PTK2: variants seen among roughly 807,000 people sequenced by gnomAD.
The protein encoded by PTK2 is protein tyrosine kinase 2.
A neutral mutation model predicts 150.1 loss-of-function variants in PTK2; 45 were observed. The observed-to-expected ratio is 0.30, with a 90% CI of 0.24 to 0.38. The LOEUF (loss-of-function observed/expected upper bound fraction) is 0.38. Ranked by LOEUF, PTK2 falls within the 10% of genes least tolerant of loss-of-function variation. PTK2 has a pLI of 1.00. For synonymous variants in PTK2, 432 were observed against 449.2 expected, an observed-to-expected ratio of 0.96 and a Z score of 0.48; for missense variants, 919 against 1,307.3, an observed-to-expected ratio of 0.70 and a Z score of 4.58.
chr8:140,731,293 C>T (rs74307137), intron 22 of PTK2, among the ~76,000 whole-genome samples: 168 of 152,152 alleles, frequency 1.1e-3, no homozygotes, highest in East Asian at 7.2e-3. Context: ...ATTTGGTGCG[C>T]TCTTATAACC....
At chr8:140,961,427 C>G (rs2100183127) in intron 1 of PTK2, among the ~76,000 whole-genome samples, 1 of 151,908 alleles carries the variant, frequency 6.6e-6, no homozygotes, top group South Asian at 2.1e-4. Flanking sequence ...TTTTGGAGGC[C>G]AAGGAGAGTG....
At chr8:140,725,452 G>A (rs2100045181) in intron 22 of PTK2, among the ~76,000 whole-genome samples, 1 of 152,226 alleles carries the variant, frequency 6.6e-6, no homozygotes, top group Non-Finnish European at 1.5e-5. Context: ...TCTGGAGGGA[G>A]CTGTCATGAG....
chr8:140,856,305 C>A (rs1447244600), intron 5 of PTK2, among the ~76,000 whole-genome samples: 1 of 152,038 alleles, frequency 6.6e-6, no homozygotes, highest in African/African-American at 2.4e-5. Context: ...ACATGAAAGT[C>A]CCAGCCCATG....
intron 2 of PTK2, among the ~76,000 whole-genome samples, chr8:140,913,739 T>C (rs542986207): frequency 8.1e-4 from 124 of 152,348 alleles, no homozygotes; most frequent in Non-Finnish European, 1.6e-3. Flanking sequence ...CATTACTGTA[T>C]TGTTCAATAT....
chr8:140,786,210 A>G (rs2100084860), intron 14 of PTK2, among the ~76,000 whole-genome samples: 1 of 152,220 alleles, frequency 6.6e-6, no homozygotes, highest in Non-Finnish European at 1.5e-5. Flanking sequence ...ATCGTATGAC[A>G]GAAAAACAAG....
At chr8:140,849,822 G>A (rs987121131) in intron 5 of PTK2, among the ~76,000 whole-genome samples, 1 of 152,178 alleles carries the variant, frequency 6.6e-6, no homozygotes, top group Non-Finnish European at 1.5e-5. Context: ...TGTTGAACAC[G>A]TATTAAAGTC....
At chr8:140,898,116 T>G (rs900209493) in intron 2 of PTK2, among the ~76,000 whole-genome samples, 2 of 152,216 alleles carry the variant, frequency 1.3e-5, no homozygotes, top group African/African-American at 4.8e-5. Flanking sequence ...CCAATACTTT[T>G]GTAAAATACA....
chr8:140,858,561 A>C (rs1297249051), intron 5 of PTK2, among the ~76,000 whole-genome samples: 1 of 152,184 alleles, frequency 6.6e-6, no homozygotes, highest in Non-Finnish European at 1.5e-5. Flanking sequence ...CAGAAAGAAA[A>C]AATGAGAGCT....
At chr8:140,913,371 T>C (rs376499701) in intron 2 of PTK2, among the ~76,000 whole-genome samples, 1 of 151,712 alleles carries the variant, frequency 6.6e-6, no homozygotes, top group Admixed American at 6.6e-5. Flanking sequence ...TCTTTGCTCA[T>C]TGCAACCTCA....
intron 1 of PTK2, among the ~76,000 whole-genome samples, chr8:140,992,296 A>AGG (rs2100196023): frequency 2.0e-5 from 3 of 150,554 alleles, no homozygotes; most frequent in African/African-American, 4.9e-5. Context: ...CATCTCGGAA[A>AGG]AAAAAAAAAA....
chr8:140,931,301 A>G (rs1430827156), intron 1 of PTK2, among the ~76,000 whole-genome samples: 1 of 152,136 alleles, frequency 6.6e-6, no homozygotes, highest in Admixed American at 6.6e-5. Flanking sequence ...TTTGCATTAC[A>G]CCAATATAAT....
intron 30 of PTK2, among the ~76,000 whole-genome samples, chr8:140,667,871 A>G (rs1285004397): frequency 3.9e-5 from 6 of 152,006 alleles, no homozygotes; most frequent in Admixed American, 3.9e-4. Context: ...TTGTCTTTGC[A>G]CTCCAACAAC....
Position 140,808,613 on chromosome 8 carries a change from C to A in PTK2, c.868-4963G>T, listed in dbSNP as rs564973261. 5.3e-5 allele frequency among the ~76,000 whole-genome samples: 8 copies of A among 151,870 alleles called. No individual in the cohort carries two copies. The South Asian group carries it at 1.7e-3, about 32-fold the overall frequency. On this transcript the variant is annotated intron_variant, in intron 10 of 31. Coordinates refer to ENST00000522684, the Ensembl canonical transcript of PTK2. ...ATAAGCCAATATGAAATTTTTGGCTCATAATATGCTCATAGAAATAAAAAT... is the reference window on the plus strand; with the variant it reads ...ATAAGCCAATATGAAATTTTTGGCTAATAATATGCTCATAGAAATAAAAAT...
intron 11 of PTK2, among the ~76,000 whole-genome samples, chr8:140,801,279 C>CA (rs921388842): frequency 7.9e-5 from 12 of 152,202 alleles, no homozygotes; most frequent in Admixed American, 6.5e-4. Context: ...AGATGAGCTT[C>CA]AAAAAACATG....
Position 140,854,202 on chromosome 8 carries a change from T to G in PTK2, c.451-7524A>C, listed in dbSNP as rs376995696. ...TTAATGTCATTTAAAAGTTAATGGG[T>G]GGACATACTCATTCTAAGTCTTAAA... On this transcript the variant is annotated intron_variant, in intron 5 of 31. Coordinates refer to ENST00000522684, the Ensembl canonical transcript of PTK2. 2.8e-4 allele frequency among the ~76,000 whole-genome samples: 42 copies of G among 152,354 alleles called. 2 individuals carry two copies. Among genetic ancestry groups the G allele is most frequent in the African/African-American group, 9.9e-4 (41 of 41,582 alleles).
At chr8:140,916,480 T>C (rs553381705) in intron 2 of PTK2, among the ~76,000 whole-genome samples, 8 of 152,368 alleles carry the variant, frequency 5.3e-5, no homozygotes, top group African/African-American at 1.4e-4. Flanking sequence ...CTAACTCCCA[T>C]ATTTCCTTCA....
intron 2 of PTK2, among the ~76,000 whole-genome samples, chr8:140,914,981 C>T (rs1341987261): frequency 6.1e-5 from 8 of 131,782 alleles, no homozygotes; most frequent in African/African-American, 1.8e-4. Context: ...TGCGGTGAGC[C>T]GAGATCACGC....
chr8:140,962,449 T>G (rs1587664784), intron 1 of PTK2, among the ~76,000 whole-genome samples: 1 of 152,144 alleles, frequency 6.6e-6, no homozygotes, highest in East Asian at 1.9e-4. Context: ...CAGTATACTA[T>G]GCCTACTACA....
At chr8:140,941,875 T>TTTTGTTTG (rs71810443) in intron 1 of PTK2, among the ~76,000 whole-genome samples, 1 of 149,840 alleles carries the variant, frequency 6.7e-6, no homozygotes, top group Admixed American at 6.7e-5. Context: ...CCAGCTAACT[T>TTTTGTTTG]TTTGTTTGTT....
Sources: allele counts gnomAD v4.1 joint callset (sites outside exome capture counted in the v4.1 genomes callset), GRCh38; gene constraint gnomAD v4.1.1; transcripts MANE v1.5; gene names NCBI Gene and HGNC (gene_info 2026-07-23, HGNC 2026-07-21).